The following SYT16 variants were observed in gnomAD, a reference collection of about 807,000 sequenced individuals.
SYT16 encodes the protein synaptotagmin-16.
SYT16 carries 42 observed loss-of-function variants against 61.4 expected under a neutral mutation model. That is an observed-to-expected ratio of 0.68 (90% CI 0.53 to 0.89). SYT16 has a LOEUF of 0.89. Among genes scored for constraint, SYT16 ranks in the 40% least tolerant of loss-of-function variants. The pLI, the probability that SYT16 is intolerant of heterozygous loss-of-function variation, is 0.00. For synonymous variants in SYT16, 314 were observed against 302.3 expected (o/e 1.04, Z -0.40); for missense variants, 804 against 807.3 (o/e 1.00, Z 0.05).
intron 3 of SYT16, among the ~76,000 whole-genome samples, chr14:62,029,051 GC>G (rs2054208167): frequency 6.6e-6 from 1 of 152,212 alleles, no homozygotes; most frequent in Non-Finnish European, 1.5e-5. Flanking sequence ...AGAGTAGCAA[GC>G]TTTGCATAAC....
At chr14:62,039,834 TACACACACACACACACACAC>T (rs71449576) in intron 3 of SYT16, among the ~76,000 whole-genome samples, 58 of 124,420 alleles carry the variant, frequency 4.7e-4, no homozygotes, top group African/African-American at 1.5e-3. Context: ...GGCTTAAGCA[TACACACACACACACACACAC>T]ACACACACAC....
chr14:61,830,452 C>G (rs1267985173), intron 1 of SYT16, among the ~76,000 whole-genome samples: 1 of 152,180 alleles, frequency 6.6e-6, no homozygotes. Flanking sequence ...CTATTCTGAT[C>G]TGCTCTATAT....
At chr14:62,068,338 A>G (rs1291772837) in intron 3 of SYT16, among the ~76,000 whole-genome samples, 3 of 151,764 alleles carry the variant, frequency 2.0e-5, no homozygotes. Context: ...GGCATAGTGC[A>G]TCATTTCACT....
intron 3 of SYT16, among the ~76,000 whole-genome samples, chr14:62,038,232 T>G (rs373614294): frequency 4.6e-4 from 69 of 150,404 alleles, no homozygotes; most frequent in African/African-American, 1.7e-3. Context: ...GAGGCCACAC[T>G]CAGGCAAGAG....
chr14:61,986,579 C>T (rs2052325716), intron 2 of SYT16, among the ~76,000 whole-genome samples: 2 of 151,882 alleles, frequency 1.3e-5, no homozygotes, highest in South Asian at 4.1e-4. Context: ...TTAGGTATAT[C>T]TCCTAATGGT....
chr14:61,923,275 A>G (rs1231431696), intron 1 of SYT16, among the ~76,000 whole-genome samples: 1 of 152,174 alleles, frequency 6.6e-6, no homozygotes, highest in East Asian at 1.9e-4. Context: ...TACCTTTTTT[A>G]GCAGAATTAT....
intron 4 of SYT16, among the ~76,000 whole-genome samples, chr14:62,071,129 CACA>C (rs1210388738): frequency 6.6e-6 from 1 of 152,142 alleles, no homozygotes; most frequent in East Asian, 1.9e-4. Context: ...ATAACCAAAC[CACA>C]ACATCAGTGG....
chr14:61,857,814 A>T (rs2046822651), intron 1 of SYT16, among the ~76,000 whole-genome samples: 1 of 152,202 alleles, frequency 6.6e-6, no homozygotes, highest in East Asian at 1.9e-4. Flanking sequence ...AGATGGGAAC[A>T]CAAGCAATTC....
intron 3 of SYT16, among the ~76,000 whole-genome samples, chr14:62,038,911 T>C (rs1009018484): frequency 2.0e-5 from 3 of 152,196 alleles, no homozygotes; most frequent in Non-Finnish European, 2.9e-5. Context: ...AAACGTTGCG[T>C]AGAGTTCTTT....
intron 1 of SYT16, among the ~76,000 whole-genome samples, chr14:61,888,381 G>T (rs1321986165): frequency 6.6e-6 from 1 of 152,116 alleles, no homozygotes; most frequent in Non-Finnish European, 1.5e-5. Context: ...GTCTCCCAAA[G>T]TGCTGGGATT....
intron 1 of SYT16, among the ~76,000 whole-genome samples, chr14:61,908,426 T>C (rs1484535348): frequency 6.6e-6 from 1 of 152,198 alleles, no homozygotes; most frequent in Non-Finnish European, 1.5e-5. Flanking sequence ...TTAAAGTCAT[T>C]TCAGGTATTT....
rs1440191154 is a variant in SYT16, at chr14:62,069,695, C to T, written c.616C>T (p.Gln206Ter). The change falls in exon 4 of 8, where the codon CAG becomes TAG. Residue 206 changes from glutamine (Q) to a stop codon, truncating the protein, a stop_gained. Coordinates refer to ENST00000683842, the MANE Select transcript of SYT16 (RefSeq NM_001367656.1). LOFTEE classifies it high-confidence loss of function. Reference protein sequence around the residue: ...KQFEISVSRSQSFRSVTSEKG... With the variant: ...KQFEISVSRS The stretch of plus-strand genomic sequence containing the variant: ...ATTTGAGATTTCCGTGTCCCGGTCC[C>T]AGAGTTTCCGTTCAGTGACATCTGA... 1 of 1,613,948 alleles carries T rather than the reference C, an allele frequency of 6.2e-7. No individual in the cohort carries two copies.
At position 61,996,138 on chromosome 14, in the gene SYT16, T is replaced by C; in HGVS notation, c.119T>C (p.Val40Ala). 6.2e-7 allele frequency: 1 copy of C among 1,613,288 alleles called. No individual in the cohort carries two copies. The highest frequency in any genetic ancestry group is 8.5e-7 in the Non-Finnish European group (1 of 1,179,514). Residue 40 changes from valine (V) to alanine (A), a missense_variant, in exon 3 of 8, where the codon GTT becomes GCT. By Grantham distance (64) the Val-to-Ala change is moderately conservative. Transcript: ENST00000683842. ...GGAGATATGTTATCTGCTTCGCTGGTTAACATAAGCAAACAAGACTCTAAA... is the reference window on the plus strand; with the variant it reads ...GGAGATATGTTATCTGCTTCGCTGGCTAACATAAGCAAACAAGACTCTAAA... ...QAGDMLSASL[V>A]NISKQDSKLS... is the part of the protein sequence containing the mutation.
intron 2 of SYT16, among the ~76,000 whole-genome samples, chr14:61,975,364 T>C (rs2051743435): frequency 6.6e-6 from 1 of 152,180 alleles, no homozygotes; most frequent in African/African-American, 2.4e-5. Context: ...GCCAAGATCT[T>C]AATTGCCTCA....
At chr14:62,028,414 G>A (rs1244465411) in intron 3 of SYT16, among the ~76,000 whole-genome samples, 1 of 152,178 alleles carries the variant, frequency 6.6e-6, no homozygotes, top group African/African-American at 2.4e-5. Flanking sequence ...AAAAGAGGAA[G>A]CTGAGGCACA....
At chr14:61,946,471 A>G (rs928531366) in intron 1 of SYT16, among the ~76,000 whole-genome samples, 2 of 152,168 alleles carry the variant, frequency 1.3e-5, no homozygotes, top group African/African-American at 4.8e-5. Context: ...AATTTTCACT[A>G]TTCAGGTGAT....
intron 1 of SYT16, among the ~76,000 whole-genome samples, chr14:61,879,798 C>G (rs147289843): frequency 6.6e-6 from 1 of 152,192 alleles, no homozygotes; most frequent in African/African-American, 2.4e-5. Flanking sequence ...GCTCAGTGAT[C>G]TACAAATTCC....
At chr14:61,923,339 T>C (rs1435374617) in intron 1 of SYT16, among the ~76,000 whole-genome samples, 2 of 152,198 alleles carry the variant, frequency 1.3e-5, no homozygotes, top group Non-Finnish European at 2.9e-5. Flanking sequence ...TTAATATAAA[T>C]AGTGTATAGA....
intron 1 of SYT16, among the ~76,000 whole-genome samples, chr14:61,872,652 A>C (rs1784904598): frequency 6.6e-6 from 1 of 152,180 alleles, no homozygotes; most frequent in Non-Finnish European, 1.5e-5. Flanking sequence ...GTGGTAACTG[A>C]GAAGAGGAAC....
Sources: gnomAD v4.1 joint callset for allele counts (sites outside exome capture counted in the v4.1 genomes callset) on GRCh38, gnomAD v4.1.1 for gene constraint, MANE v1.5 for transcripts, NCBI Gene and HGNC (gene_info 2026-07-23, HGNC 2026-07-21) for gene names.